ADGRV1: variants seen among roughly 807,000 people sequenced by gnomAD.
The protein encoded by ADGRV1 is adhesion G protein-coupled receptor V1.
ADGRV1 carries 359 observed loss-of-function variants against 596.2 expected under a neutral mutation model. The ratio of observed to expected loss-of-function variants is 0.60; its 90% CI spans 0.55 to 0.66. ADGRV1 has a LOEUF of 0.66. Among genes scored for constraint, ADGRV1 ranks in the 30% least tolerant of loss-of-function variants. ADGRV1 has a pLI of 0.00. For missense variants in ADGRV1, 7,274 were observed against 7,575.6 expected (o/e 0.96, Z 1.48); for synonymous variants, 2,681 against 2,679.2 (o/e 1.00, Z -0.02).
Position 90,625,248 on chromosome 5 carries a change from G to A in ADGRV1, c.672+5G>A. On this transcript the variant is annotated splice_donor_5th_base_variant and intron_variant, in intron 6 of 89. Coordinates refer to ENST00000405460, the MANE Select transcript of ADGRV1 (RefSeq NM_032119.4). The stretch of plus-strand genomic sequence containing the variant: ...TTGACAGTACTCGATGACGAGGTTG[G>A]CTAATGTTACATACCCAAATGGGAC... The A allele has an allele frequency of 6.3e-7, 1 of 1,580,134 alleles. No individual in the cohort carries two copies. The highest frequency in any genetic ancestry group is 8.7e-7 in the Non-Finnish European group (1 of 1,150,372).
At chr5:90,970,899 A>C (rs1163380268) in intron 84 of ADGRV1, among the ~76,000 whole-genome samples, 11 of 152,180 alleles carry the variant, frequency 7.2e-5, no homozygotes, top group African/African-American at 2.7e-4. Flanking sequence ...AGATGATCAA[A>C]CTTCTCTGAG....
intron 85 of ADGRV1, among the ~76,000 whole-genome samples, chr5:91,051,761 A>T (rs919981902): frequency 6.6e-6 from 1 of 151,810 alleles, no homozygotes. Context: ...GTTAGCCAGG[A>T]TGGTCTTGAT....
intron 87 of ADGRV1, among the ~76,000 whole-genome samples, chr5:91,120,883 A>G (rs917391504): frequency 1.3e-5 from 2 of 152,152 alleles, no homozygotes; most frequent in African/African-American, 4.8e-5. Context: ...ATATGAAAGT[A>G]TAGAATGGGG....
chr5:90,671,756 A>G (rs910048664), intron 21 of ADGRV1, among the ~76,000 whole-genome samples: 5 of 152,204 alleles, frequency 3.3e-5, no homozygotes, highest in Admixed American at 2.6e-4. Flanking sequence ...ATTTGCTAAC[A>G]TAAAAATAAA....
intron 86 of ADGRV1, among the ~76,000 whole-genome samples, chr5:91,088,878 C>T (rs1790129836): frequency 6.6e-6 from 1 of 152,194 alleles, no homozygotes; most frequent in Middle Eastern, 3.4e-3. Flanking sequence ...TATCATTGGG[C>T]ACAAATCACT....
intron 85 of ADGRV1, among the ~76,000 whole-genome samples, chr5:91,006,926 T>C (rs928320866): frequency 6.6e-6 from 1 of 152,148 alleles, no homozygotes; most frequent in African/African-American, 2.4e-5. Flanking sequence ...CAGTGGGTGA[T>C]TGCCAACAAT....
intron 85 of ADGRV1, among the ~76,000 whole-genome samples, chr5:91,029,299 A>G (rs541703304): frequency 5.3e-5 from 8 of 152,312 alleles, no homozygotes; most frequent in African/African-American, 1.9e-4. Flanking sequence ...ATTCCAAATG[A>G]TATGCATAAC....
In ADGRV1 at chr5:90,805,029, CT is replaced by C. The variant is rs146500774; in HGVS notation, c.14662-248del. 1,140 of 290,088 alleles carry C rather than the reference CT, an allele frequency of 3.9e-3. 9 individuals carry two copies. The highest frequency in any genetic ancestry group is 0.022 in the African/African-American group (1,042 of 46,518). 18.0% of individuals were successfully genotyped at this position (290,088 alleles called of 1,614,324 possible). A position where few individuals can be genotyped will look rare whatever the true frequency, so the allele number is the denominator to read the frequency against. On this transcript the variant is annotated intron_variant, in intron 71 of 89. Coordinates refer to ENST00000405460, the MANE Select transcript of ADGRV1 (RefSeq NM_032119.4). ...TTCATTTAACCATAATTATGCTTAT[CT>C]TTTTTTGGATGTTGTTCATTCAAAA... is the stretch of plus-strand genomic sequence containing the variant.
intron 84 of ADGRV1, among the ~76,000 whole-genome samples, chr5:90,976,228 A>G (rs1247888334): frequency 6.8e-6 from 1 of 147,614 alleles, no homozygotes; most frequent in African/African-American, 2.5e-5. Flanking sequence ...ATATATATAT[A>G]TATATACACA....
chr5:90,703,915 T>G, intron 35 of ADGRV1, 120 bp downstream of exon 35: 1 of 691,850 alleles, frequency 1.4e-6, no homozygotes, highest in East Asian at 2.9e-5. Flanking sequence ...CCAGACCTAC[T>G]TCGTATGAAT....
intron 70 of ADGRV1, among the ~76,000 whole-genome samples, chr5:90,798,807 C>T (rs920589103): frequency 6.6e-5 from 10 of 152,168 alleles, no homozygotes; most frequent in Non-Finnish European, 1.3e-4. Context: ...ATCACAGAAA[C>T]AGAAGCAATG....
intron 33 of ADGRV1, among the ~76,000 whole-genome samples, chr5:90,696,205 AG>A (rs1247304666): frequency 6.6e-6 from 1 of 152,108 alleles, no homozygotes; most frequent in Non-Finnish European, 1.5e-5. Flanking sequence ...GGGACACCTT[AG>A]GCTGAATGGC....
intron 85 of ADGRV1, among the ~76,000 whole-genome samples, chr5:91,057,799 C>T (rs532101980): frequency 2.2e-4 from 34 of 152,116 alleles, no homozygotes; most frequent in South Asian, 1.2e-3. Flanking sequence ...CTCCTTCTAA[C>T]GGAATTAGTT....
chr5:91,156,915 C>T (rs1796525639), intron 89 of ADGRV1, among the ~76,000 whole-genome samples: 1 of 152,186 alleles, frequency 6.6e-6, no homozygotes, highest in Admixed American at 6.5e-5. Flanking sequence ...AACATCTTAA[C>T]ATTTTTTGAG....
In ADGRV1 at chr5:90,581,233, C is replaced by T. The variant is rs58953839; in HGVS notation, c.22+22316C>T. ...TTAGCTCGGAGAAGTTTGTTATTAC[C>T]GACCTTCTGAAGCCTACTTCTGTCA... On this transcript the variant is annotated intron_variant, in intron 1 of 89. Coordinates refer to ENST00000405460, the MANE Select transcript of ADGRV1 (RefSeq NM_032119.4). 6.0e-3 allele frequency among the ~76,000 whole-genome samples: 909 copies of T among 152,162 alleles called. 7 individuals are homozygous for T. Among genetic ancestry groups the T allele is most frequent in the Middle Eastern group, 0.02 (6 of 294 alleles).
At chr5:90,771,455 T>C (rs1365884786) in intron 59 of ADGRV1, among the ~76,000 whole-genome samples, 1 of 152,156 alleles carries the variant, frequency 6.6e-6, no homozygotes, top group Non-Finnish European at 1.5e-5. Flanking sequence ...TGAAATAATG[T>C]TTGTGAAGAA....
chr5:90,762,126 C>A (rs892163496), intron 58 of ADGRV1, among the ~76,000 whole-genome samples: 9 of 152,114 alleles, frequency 5.9e-5, no homozygotes, highest in Non-Finnish European at 8.8e-5. Flanking sequence ...CCATGGAAAT[C>A]TACTTGTGAA....
chr5:90,624,213 A>G (rs958614313), intron 5 of ADGRV1, among the ~76,000 whole-genome samples: 2 of 152,210 alleles, frequency 1.3e-5, no homozygotes, highest in African/African-American at 4.8e-5. Context: ...AACACTAACT[A>G]AATATGCAGT....
chr5:90,819,962 G>A (rs1219728621), intron 75 of ADGRV1, among the ~76,000 whole-genome samples: 1 of 150,724 alleles, frequency 6.6e-6, no homozygotes, highest in African/African-American at 2.4e-5. Flanking sequence ...TTCAATTCCT[G>A]GGTATCCTTG....
Sources: gnomAD v4.1 joint callset for allele counts (sites outside exome capture counted in the v4.1 genomes callset) on GRCh38, gnomAD v4.1.1 for gene constraint, MANE v1.5 for transcripts, NCBI Gene and HGNC (gene_info 2026-07-23, HGNC 2026-07-21) for gene names.